The following ST14 variants were observed in gnomAD, a reference collection of about 807,000 sequenced individuals.
ST14 encodes ST14 transmembrane serine protease matriptase.
Under a neutral mutation model 96.5 loss-of-function variants are expected in ST14, and 40 were observed. That is an observed-to-expected ratio of 0.41 (90% CI 0.32 to 0.54). ST14 has a LOEUF of 0.54. Among genes scored for constraint, ST14 ranks in the 20% least tolerant of loss-of-function variants. The pLI, the probability that ST14 is intolerant of heterozygous loss-of-function variation, is 0.17. For synonymous variants in ST14, 506 were observed against 492.1 expected, an observed-to-expected ratio of 1.03 and a Z score of -0.37; for missense variants, 1,066 against 1,188.9, an observed-to-expected ratio of 0.90 and a Z score of 1.52.
At chr11:130,160,403 G>T (rs3016859) in intron 1 of ST14, among the ~76,000 whole-genome samples, 38 of 152,344 alleles carry the variant, frequency 2.5e-4, no homozygotes, top group Middle Eastern at 3.4e-3. Flanking sequence ...CAGGGGCTTG[G>T]AGTGGGGTTA....
Position 130,200,079 on chromosome 11 carries a change from A to ATC in ST14, c.1941_1942dup (p.Pro648LeufsTer115). 1 of 1,614,148 alleles carries ATC rather than the reference A, an allele frequency of 6.2e-7. No homozygotes were observed. The highest frequency in any genetic ancestry group is 1.1e-5 in the South Asian group (1 of 91,076). On this transcript the variant is annotated frameshift_variant, in exon 16 of 19. Coordinates refer to ENST00000278742, the MANE Select transcript of ST14 (RefSeq NM_021978.4). LOFTEE classifies it high-confidence loss of function. ...GGGCCACATCTGCGGTGCTTCCCTC[A>ATC]TCTCTCCCAACTGGCTGGTCTCTGC...
intron 1 of ST14, among the ~76,000 whole-genome samples, chr11:130,167,970 C>T (rs919650382): frequency 6.6e-6 from 1 of 152,232 alleles, no homozygotes; most frequent in African/African-American, 2.4e-5. Flanking sequence ...CTGCCTTGAA[C>T]TCCCAAAGTG....
At chr11:130,205,682 C>T (rs1431570256) in intron 16 of ST14, among the ~76,000 whole-genome samples, 1 of 146,226 alleles carries the variant, frequency 6.8e-6, no homozygotes, top group Non-Finnish European at 1.5e-5. Context: ...TCATGCCCAT[C>T]ATGTTCTTCT....
At chr11:130,162,908 C>T (rs1476166971) in intron 1 of ST14, among the ~76,000 whole-genome samples, 1 of 152,172 alleles carries the variant, frequency 6.6e-6, no homozygotes, top group Non-Finnish European at 1.5e-5. Flanking sequence ...CCGGGGCCGC[C>T]TTGTCTAGCC....
At position 130,186,292 on chromosome 11, in the gene ST14, A is replaced by T. The variant is rs1288744369; in HGVS notation, c.82-1822A>T. Among the ~76,000 whole-genome samples, 2 of 152,226 alleles carry T rather than the reference A, an allele frequency of 1.3e-5. 1 individual carries two copies. Among genetic ancestry groups the T allele is most frequent in the South Asian group, 4.1e-4 (2 of 4,832 alleles). ...TCTTTGTGGTTAGAAAAAAATTTTT[A>T]AAAAGTATGTGTTCCACCACAATGA... On this transcript the variant is annotated intron_variant, in intron 1 of 18. Transcript: ENST00000278742.
chr11:130,169,809 T>G (rs375390378), intron 1 of ST14, among the ~76,000 whole-genome samples: 1 of 152,170 alleles, frequency 6.6e-6, no homozygotes, highest in African/African-American at 2.4e-5. Flanking sequence ...GAAATCAGAA[T>G]GTGGATTTAA....
At position 130,209,531 on chromosome 11, in the gene ST14, C is replaced by T; in HGVS notation, c.2359C>T (p.Arg787Cys). Residue 787 changes from arginine (R) to cysteine (C), a missense_variant, in exon 18 of 19, where the codon CGC becomes TGC. Physicochemically the swap from Arg to Cys is radical, Grantham distance 180. Transcript: ENST00000278742. ...CCTCCTGCCGCAGCAGATCACGCCG[C>T]GCATGATGTGCGTGGGCTTCCTCAG... ...ENLLPQQITP[R>C]MMCVGFLSGG... is the part of the protein sequence containing the mutation. 10 of 1,578,810 alleles carry T rather than the reference C, an allele frequency of 6.3e-6. No individual in the cohort carries two copies. Among genetic ancestry groups the T allele is most frequent in the Non-Finnish European group, 7.7e-6 (9 of 1,162,140 alleles).
chr11:130,171,502 T>C (rs1953092108), intron 1 of ST14, among the ~76,000 whole-genome samples: 1 of 152,184 alleles, frequency 6.6e-6, no homozygotes, highest in African/African-American at 2.4e-5. Context: ...GGATAAATAC[T>C]CAGAAGTGGG....
rs375637289 is a variant in ST14, at chr11:130,199,973, G to A, written c.1830G>A (p.Thr610=). The A allele has an allele frequency of 2.0e-5, 32 of 1,614,082 alleles. No homozygotes were observed. Among genetic ancestry groups the A allele is most frequent in the African/African-American group, 4.0e-5 (3 of 74,956 alleles). The change falls in exon 16 of 19, where the codon ACG becomes ACA. Residue 610 remains threonine (T), a synonymous_variant. Transcript: ENST00000278742. The part of the protein sequence containing the change: ...KDCDCGLRSF[T]RQARVVGGTD... ...CAGACTGTGGGCTGCGGTCATTCAC[G>A]AGACAGGCTCGTGTTGTTGGGGGCA...
At chr11:130,189,162 G>A (rs1338661773) in intron 4 of ST14, among the ~76,000 whole-genome samples, 2 of 152,212 alleles carry the variant, frequency 1.3e-5, no homozygotes, top group South Asian at 2.1e-4. Context: ...GCTGCCCAAA[G>A]GCCTGTGACG....
chr11:130,182,488 A>G (rs1350813211), intron 1 of ST14, among the ~76,000 whole-genome samples: 2 of 151,736 alleles, frequency 1.3e-5, no homozygotes, highest in Non-Finnish European at 2.9e-5. Flanking sequence ...ATGTCTGGCT[A>G]GTTTTTTGTA....
intron 1 of ST14, among the ~76,000 whole-genome samples, chr11:130,179,204 G>A (rs1268260770): frequency 6.6e-6 from 1 of 152,226 alleles, no homozygotes; most frequent in Admixed American, 6.5e-5. Context: ...TGCTCCTGAT[G>A]CATGACATCA....
At chr11:130,206,838 G>A (rs998225923) in intron 16 of ST14, among the ~76,000 whole-genome samples, 2 of 152,124 alleles carry the variant, frequency 1.3e-5, no homozygotes, top group Non-Finnish European at 2.9e-5. Flanking sequence ...AAAGTGCTTG[G>A]ATTACAGGAG....
rs1037798414 is a variant in ST14 at position 130,198,954 on chromosome 11, C to T, written c.1692C>T (p.Val564=). ...SDEASCPKVN[V]VTCTKHTYRC... ...GTCCTCCTCCTTGAACAGTGAACGT[C>T]GTCACTTGTACCAAACACACCTACC... is the stretch of plus-strand genomic sequence containing the variant. The change falls in exon 15 of 19, where the codon GTC becomes GTT. Residue 564 remains valine, a synonymous_variant. Transcript: ENST00000278742. 6.8e-6 allele frequency: 11 copies of T among 1,613,892 alleles called. No individual in the cohort carries two copies. Among genetic ancestry groups the T allele is most frequent in the East Asian group, 2.2e-5 (1 of 44,890 alleles).
At chr11:130,167,655 AG>A (rs1175891909) in intron 1 of ST14, among the ~76,000 whole-genome samples, 2 of 152,060 alleles carry the variant, frequency 1.3e-5, no homozygotes, top group East Asian at 3.9e-4. Context: ...GGTGTTGGAG[AG>A]GGATCTCCCA....
intron 11 of ST14, among the ~76,000 whole-genome samples, chr11:130,197,523 C>T (rs1171555922): frequency 6.6e-6 from 1 of 152,158 alleles, no homozygotes; most frequent in Non-Finnish European, 1.5e-5. Flanking sequence ...GCACACAGGG[C>T]AGGGCAGGGC....
intron 12 of ST14, among the ~76,000 whole-genome samples, 159 bp from the exon 13 acceptor site, chr11:130,198,149 G>C (rs1031028298): frequency 4.6e-5 from 7 of 152,222 alleles, no homozygotes; most frequent in South Asian, 2.1e-4. Flanking sequence ...GGGGTATCTC[G>C]GAAGTGCTGA....
chr11:130,169,443 A>G (rs1953070204), intron 1 of ST14, among the ~76,000 whole-genome samples: 1 of 152,162 alleles, frequency 6.6e-6, no homozygotes, highest in African/African-American at 2.4e-5. Flanking sequence ...TAGAGGACAG[A>G]TTAGCGATTG....
chr11:130,169,034 TAA>T (rs11345590), intron 1 of ST14, among the ~76,000 whole-genome samples: 1 of 146,912 alleles, frequency 6.8e-6, no homozygotes, highest in Non-Finnish European at 1.5e-5. Context: ...TTTGTGCAGT[TAA>T]AAAAAAAGCC....
Sources: allele counts gnomAD v4.1 joint callset (sites outside exome capture counted in the v4.1 genomes callset), GRCh38; gene constraint gnomAD v4.1.1; transcripts MANE v1.5; gene names NCBI Gene and HGNC (gene_info 2026-07-23, HGNC 2026-07-21).